The following CYP39A1 variants were observed in gnomAD, a reference collection of about 807,000 sequenced individuals.
CYP39A1 encodes 24-hydroxycholesterol 7-alpha-hydroxylase.
In CYP39A1, 49 loss-of-function variants were observed where a neutral mutation model predicts 58.1. The observed-to-expected ratio is 0.84, with a 90% confidence interval of 0.67 to 1.07. The LOEUF (loss-of-function observed/expected upper bound fraction) is 1.07, where lower values mean the gene tolerates loss of function less well. CYP39A1 is among the 50% of genes least tolerant of loss of function. The pLI is 0.00. For synonymous variants in CYP39A1, 209 were observed against 187.6 expected, an observed-to-expected ratio of 1.11 and a Z score of -0.93; for missense variants, 531 against 539.4, an observed-to-expected ratio of 0.98 and a Z score of 0.16.
chr6:46,618,616 C>T (rs1001489759), intron 7 of CYP39A1, among the ~76,000 whole-genome samples: 41 of 152,032 alleles, frequency 2.7e-4, no homozygotes, highest in South Asian at 6.2e-4. Flanking sequence ...ACCATTCATA[C>T]GGATTACTGG....
At chr6:46,592,299 G>A (rs1772886577) in intron 8 of CYP39A1, among the ~76,000 whole-genome samples, 1 of 152,096 alleles carries the variant, frequency 6.6e-6, no homozygotes, top group African/African-American at 2.4e-5. Flanking sequence ...GCCCAACAGA[G>A]GAGAAAATAT....
intron 7 of CYP39A1, among the ~76,000 whole-genome samples, chr6:46,606,759 A>G (rs1001376808): frequency 6.6e-6 from 1 of 152,200 alleles, no homozygotes; most frequent in African/African-American, 2.4e-5. Flanking sequence ...TAGTTTTAGG[A>G]TTGCATACTC....
chr6:46,595,870 ATATT>A (rs950450230), intron 8 of CYP39A1, 113 bp downstream of exon 8: 18 of 993,402 alleles, frequency 1.8e-5, no homozygotes, highest in South Asian at 1.6e-4. Context: ...AATATATAAA[ATATT>A]TATTTGTCAA....
intron 10 of CYP39A1, among the ~76,000 whole-genome samples, chr6:46,582,868 C>T (rs1772220303): frequency 6.6e-6 from 1 of 152,016 alleles, no homozygotes; most frequent in Non-Finnish European, 1.5e-5. Context: ...GAACCCTAAC[C>T]TGACACATAG....
chr6:46,604,183 A>G (rs1201578040), intron 7 of CYP39A1, among the ~76,000 whole-genome samples: 2 of 152,182 alleles, frequency 1.3e-5, no homozygotes, highest in Non-Finnish European at 1.5e-5. Context: ...ATGAGAGCAA[A>G]TGTTAAGGAA....
chr6:46,635,230 T>C lies in CYP39A1; in HGVS notation c.732+1159A>G, dbSNP rs139110668. Among the ~76,000 whole-genome samples the C allele has an allele frequency of 2.3e-3, 355 of 152,350 alleles. 1 individual carries two copies. Among genetic ancestry groups the C allele is most frequent in the African/African-American group, 8.2e-3 (340 of 41,590 alleles). The stretch of plus-strand genomic sequence containing the variant: ...TTTTTTTAAATGATGATAACAATGA[T>C]AAGCTCCTATCCAGTCCTCTGTTCT... On this transcript the variant is annotated intron_variant, in intron 5 of 11. Transcript: ENST00000275016.
chr6:46,620,855 C>T (rs1401737019), intron 7 of CYP39A1, among the ~76,000 whole-genome samples: 4 of 151,980 alleles, frequency 2.6e-5, no homozygotes, highest in African/African-American at 4.8e-5. Flanking sequence ...CTGTGGCCAC[C>T]CATGACAAAG....
At chr6:46,573,084 C>G (rs1267624902) in intron 10 of CYP39A1, among the ~76,000 whole-genome samples, 1 of 151,958 alleles carries the variant, frequency 6.6e-6, no homozygotes, top group Non-Finnish European at 1.5e-5. Flanking sequence ...TTATTGAGTT[C>G]TCTTGTATCT....
intron 7 of CYP39A1, among the ~76,000 whole-genome samples, chr6:46,599,372 A>G (rs544086873): frequency 6.6e-6 from 1 of 152,186 alleles, no homozygotes; most frequent in Non-Finnish European, 1.5e-5. Context: ...AAAAAATCAG[A>G]TACACAAAAA....
chr6:46,556,236 C>T lies in CYP39A1; in HGVS notation c.1251-2382G>A, dbSNP rs75713608. Among the ~76,000 whole-genome samples, 577 of 152,298 alleles carry T rather than the reference C, an allele frequency of 3.8e-3. 3 individuals carry two copies. Among genetic ancestry groups the T allele is most frequent in the African/African-American group, 0.013 (553 of 41,550 alleles). On this transcript the variant is annotated intron_variant, in intron 10 of 11. Coordinates refer to ENST00000275016, the MANE Select transcript of CYP39A1 (RefSeq NM_016593.5). ...AATGAGACGAAACCCATGATTGCTT[C>T]GGTTTCCTGCTTCTGGCAGTCTTCA...
intron 10 of CYP39A1, among the ~76,000 whole-genome samples, chr6:46,575,079 G>A (rs1771782465): frequency 6.6e-6 from 1 of 152,098 alleles, no homozygotes; most frequent in Non-Finnish European, 1.5e-5. Context: ...CTAAAGAAAG[G>A]GTAAGTGAAA....
intron 1 of CYP39A1, among the ~76,000 whole-genome samples, chr6:46,646,021 A>G (rs748388306): frequency 6.6e-6 from 1 of 151,848 alleles, no homozygotes; most frequent in Non-Finnish European, 1.5e-5. Flanking sequence ...GTTTTTGTAG[A>G]CTCCTTGGGA....
intron 8 of CYP39A1, among the ~76,000 whole-genome samples, chr6:46,594,255 G>T (rs1007668106): frequency 1.3e-5 from 2 of 151,914 alleles, no homozygotes; most frequent in Admixed American, 1.3e-4. Context: ...CTGTTCTAGG[G>T]TCATTTTGTG....
At chr6:46,599,158 A>G (rs1773343391) in intron 7 of CYP39A1, among the ~76,000 whole-genome samples, 1 of 152,176 alleles carries the variant, frequency 6.6e-6, no homozygotes, top group South Asian at 2.1e-4. Flanking sequence ...CCCTACAGGT[A>G]GTTTGCAAGT....
chr6:46,568,418 T>C (rs1337785211), intron 10 of CYP39A1, among the ~76,000 whole-genome samples: 1 of 152,156 alleles, frequency 6.6e-6, no homozygotes, highest in Non-Finnish European at 1.5e-5. Context: ...AGTCCAATTT[T>C]GTCTATTTTT....
intron 1 of CYP39A1, among the ~76,000 whole-genome samples, chr6:46,642,950 C>G (rs968787640): frequency 6.6e-6 from 1 of 152,172 alleles, no homozygotes; most frequent in African/African-American, 2.4e-5. Context: ...CTCCTCTTAA[C>G]ACGGATGGAG....
chr6:46,571,842 G>A (rs1366947767), intron 10 of CYP39A1, among the ~76,000 whole-genome samples: 10 of 151,822 alleles, frequency 6.6e-5, no homozygotes, highest in African/African-American at 9.7e-5. Flanking sequence ...GATATGATTC[G>A]TTTTTGTAGT....
At chr6:46,564,426 CCT>C (rs1188958739) in intron 10 of CYP39A1, among the ~76,000 whole-genome samples, 1 of 151,976 alleles carries the variant, frequency 6.6e-6, no homozygotes, top group Non-Finnish European at 1.5e-5. Context: ...AAACTCCTAA[CCT>C]CAAGTGATCC....
intron 2 of CYP39A1, among the ~76,000 whole-genome samples, chr6:46,640,796 C>T (rs1776286001): frequency 7.5e-6 from 1 of 132,838 alleles, no homozygotes; most frequent in Admixed American, 8.0e-5. Flanking sequence ...CTAGTAGTCC[C>T]CTGTGTCCAT....
Sources: gnomAD v4.1 joint callset for allele counts (sites outside exome capture counted in the v4.1 genomes callset) on GRCh38, gnomAD v4.1.1 for gene constraint, MANE v1.5 for transcripts, NCBI Gene and HGNC (gene_info 2026-07-23, HGNC 2026-07-21) for gene names.